The following MTUS2 variants were observed in gnomAD, a reference collection of about 807,000 sequenced individuals.
The protein encoded by MTUS2 is microtubule associated scaffold protein 2.
MTUS2 carries 40 observed loss-of-function variants against 114.1 expected under a neutral mutation model. The observed-to-expected ratio is 0.35, with a 90% CI of 0.27 to 0.46. The LOEUF is 0.46. Ranked by LOEUF, MTUS2 falls within the 20% of genes least tolerant of loss-of-function variation. The pLI is 1.00. For missense variants in MTUS2, 1,679 were observed against 1,705.4 expected, an observed-to-expected ratio of 0.98 and a Z score of 0.27; for synonymous variants, 688 against 672.0, an observed-to-expected ratio of 1.02 and a Z score of -0.37.
intron 8 of MTUS2, among the ~76,000 whole-genome samples, chr13:29,360,884 C>G (rs981252626): frequency 6.6e-6 from 1 of 152,178 alleles, no homozygotes; most frequent in Non-Finnish European, 1.5e-5. Flanking sequence ...TTTAGTCACA[C>G]TGCCTGCTCT....
intron 7 of MTUS2, among the ~76,000 whole-genome samples, chr13:29,346,585 A>C (rs1160183266): frequency 1.5e-5 from 1 of 66,262 alleles, no homozygotes; most frequent in African/African-American, 4.0e-5. Flanking sequence ...GACATGCCCC[A>C]GGCTACAAGC....
chr13:29,064,213 C>T (rs73164591), intron 4 of MTUS2, among the ~76,000 whole-genome samples: 7,018 of 152,110 alleles, frequency 0.046, 224 homozygotes, highest in Non-Finnish European at 0.071. Context: ...AGTGAAACAG[C>T]GAGGTCCATG....
intron 7 of MTUS2, among the ~76,000 whole-genome samples, chr13:29,334,345 G>A (rs1353390996): frequency 3.9e-5 from 6 of 152,126 alleles, no homozygotes; most frequent in African/African-American, 7.2e-5. Context: ...TGCTGGTACC[G>A]GTTATTCCTT....
chr13:29,071,287 A>G (rs1888913793), intron 4 of MTUS2, among the ~76,000 whole-genome samples: 1 of 149,548 alleles, frequency 6.7e-6, no homozygotes, highest in Non-Finnish European at 1.5e-5. Flanking sequence ...GGTGTGAGCC[A>G]CCGTGCCCAG....
intron 1 of MTUS2, among the ~76,000 whole-genome samples, chr13:28,826,776 G>T (rs1489930704): frequency 6.6e-6 from 1 of 152,176 alleles, no homozygotes; most frequent in African/African-American, 2.4e-5. Context: ...AATAGAGAAA[G>T]CCAGGAATAT....
chr13:29,290,755 T>C (rs986588359), intron 6 of MTUS2, among the ~76,000 whole-genome samples: 1 of 152,198 alleles, frequency 6.6e-6, no homozygotes, highest in African/African-American at 2.4e-5. Context: ...CTCTTCCCCT[T>C]GTAGCTCTGC....
At chr13:29,448,528 C>T (rs1878447271) in intron 9 of MTUS2, among the ~76,000 whole-genome samples, 1 of 151,840 alleles carries the variant, frequency 6.6e-6, no homozygotes, top group African/African-American at 2.4e-5. Context: ...GCCCAATTCA[C>T]CTGCAGCTGC....
chr13:29,501,021 C>G, intron 14 of MTUS2, 76 bp from the exon 15 acceptor site: 1 of 1,128,218 alleles, frequency 8.9e-7, no homozygotes, highest in South Asian at 1.3e-5. Context: ...TCCTCCAATG[C>G]CCAGAGCTGA....
At chr13:29,021,614 G>A (rs924721601) in intron 2 of MTUS2, among the ~76,000 whole-genome samples, 7 of 152,130 alleles carry the variant, frequency 4.6e-5, no homozygotes, top group Non-Finnish European at 1.5e-5. Context: ...AAAATTAGAG[G>A]CAGTTCCCTT....
chr13:28,889,141 T>C (rs548962388), intron 2 of MTUS2, among the ~76,000 whole-genome samples: 2 of 152,316 alleles, frequency 1.3e-5, no homozygotes, highest in African/African-American at 2.4e-5. Context: ...ACAGGTTCAT[T>C]GTTCATTTGT....
chr13:29,324,475 CA>C (rs1460954313), intron 6 of MTUS2, 137 bp from the exon 7 acceptor site: 4 of 632,424 alleles, frequency 6.3e-6, no homozygotes, highest in Non-Finnish European at 1.1e-5. Flanking sequence ...GGGTGGTGAC[CA>C]TAGCAACAAA....
At chr13:29,206,961 G>C (rs1182927645) in intron 5 of MTUS2, among the ~76,000 whole-genome samples, 2 of 152,126 alleles carry the variant, frequency 1.3e-5, no homozygotes, top group Non-Finnish European at 2.9e-5. Flanking sequence ...GCGGTATTTT[G>C]ATGGGAATTG....
intron 5 of MTUS2, among the ~76,000 whole-genome samples, chr13:29,244,826 G>T (rs28753880): frequency 6.7e-6 from 1 of 149,002 alleles, no homozygotes; most frequent in South Asian, 2.2e-4. Context: ...CATAGTGGCG[G>T]GCGCCTGTAG....
chr13:28,969,197 G>A (rs9508204), intron 2 of MTUS2, among the ~76,000 whole-genome samples: 152,232 of 152,292 alleles, frequency 1, 76,086 homozygotes, highest in Non-Finnish European at 1. Context: ...GCAAGCTACC[G>A]TGCCTGGCTA....
intron 4 of MTUS2, among the ~76,000 whole-genome samples, chr13:29,064,952 T>C (rs1888598260): frequency 6.6e-6 from 1 of 152,230 alleles, no homozygotes; most frequent in South Asian, 2.1e-4. Context: ...GCAAAGGATG[T>C]GATCTCATTC....
intron 5 of MTUS2, among the ~76,000 whole-genome samples, chr13:29,207,862 A>G (rs992321280): frequency 2.6e-5 from 4 of 152,006 alleles, no homozygotes; most frequent in Admixed American, 2.0e-4. Flanking sequence ...TATGTTCATT[A>G]TGGAGATTGG....
chr13:29,127,484 C>T (rs1278455616), intron 5 of MTUS2, among the ~76,000 whole-genome samples: 2 of 152,164 alleles, frequency 1.3e-5, no homozygotes, highest in East Asian at 1.9e-4. Flanking sequence ...TTTCAAAGGC[C>T]TTAAAGAGCA....
At chr13:29,198,643 T>C (rs1367228057) in intron 5 of MTUS2, among the ~76,000 whole-genome samples, 1 of 152,220 alleles carries the variant, frequency 6.6e-6, no homozygotes, top group African/African-American at 2.4e-5. Flanking sequence ...GCATTGAATC[T>C]ATAAATTACT....
intron 5 of MTUS2, among the ~76,000 whole-genome samples, chr13:29,229,089 G>A (rs1301754317): frequency 6.6e-6 from 1 of 152,068 alleles, no homozygotes; most frequent in East Asian, 1.9e-4. Context: ...GGCAGACTGT[G>A]ATCATTTTAA....
Sources: gnomAD v4.1 joint callset for allele counts (sites outside exome capture counted in the v4.1 genomes callset) on GRCh38, gnomAD v4.1.1 for gene constraint, MANE v1.5 for transcripts, NCBI Gene and HGNC (gene_info 2026-07-23, HGNC 2026-07-21) for gene names.